Variants in ASB7 observed in about 807,000 individuals in gnomAD.
ASB7 encodes the protein ankyrin repeat and SOCS box protein 7.
A neutral mutation model predicts 32.5 loss-of-function variants in ASB7; 4 were observed. That is an observed-to-expected ratio of 0.12 (90% CI 0.06 to 0.28). The LOEUF (loss-of-function observed/expected upper bound fraction) is 0.28. ASB7 is among the 10% of genes least tolerant of loss of function. ASB7 has a pLI of 1.00. For synonymous variants in ASB7, 172 were observed against 155.6 expected (o/e 1.11, Z -0.78); for missense variants, 181 against 407.1 (o/e 0.44, Z 4.78).
At chr15:100,624,930 A>G (rs925136900) in intron 4 of ASB7, among the ~76,000 whole-genome samples, 1 of 152,226 alleles carries the variant, frequency 6.6e-6, no homozygotes, top group African/African-American at 2.4e-5. Flanking sequence ...CCCAAGTAGT[A>G]TTTACTCCAG....
intron 4 of ASB7, among the ~76,000 whole-genome samples, chr15:100,614,628 G>C (rs1033386372): frequency 3.3e-5 from 5 of 151,806 alleles, no homozygotes; most frequent in African/African-American, 1.2e-4. Flanking sequence ...CCAGTGAGGG[G>C]CTTAGAGGCT....
intron 4 of ASB7, among the ~76,000 whole-genome samples, chr15:100,626,558 A>AC (rs1597005629): frequency 1.3e-5 from 2 of 152,132 alleles, no homozygotes; most frequent in East Asian, 3.9e-4. Flanking sequence ...TTCACATACG[A>AC]CCCAGCAAGT....
chr15:100,606,004 T>C (rs548374524), intron 2 of ASB7, among the ~76,000 whole-genome samples: 1 of 152,350 alleles, frequency 6.6e-6, no homozygotes, highest in South Asian at 2.1e-4. Flanking sequence ...TCATAACCAC[T>C]ATGCTATACT....
chr15:100,627,452 A>C (rs1418422765), intron 4 of ASB7, among the ~76,000 whole-genome samples: 1 of 152,120 alleles, frequency 6.6e-6, no homozygotes, highest in East Asian at 1.9e-4. Context: ...TTCTTACCTT[A>C]TTTCATGGGC....
At chr15:100,619,602 A>G (rs1293102124) in intron 4 of ASB7, among the ~76,000 whole-genome samples, 1 of 152,248 alleles carries the variant, frequency 6.6e-6, no homozygotes, top group Non-Finnish European at 1.5e-5. Context: ...TAAATGGGAC[A>G]TAGGTGTCTA....
chr15:100,644,358 TC>T (rs2039983285), intron 5 of ASB7, among the ~76,000 whole-genome samples: 1 of 152,258 alleles, frequency 6.6e-6, no homozygotes, highest in East Asian at 1.9e-4. Context: ...CATTTGCAGA[TC>T]AAATACTGTA....
intron 4 of ASB7, among the ~76,000 whole-genome samples, chr15:100,616,442 C>T (rs1237316776): frequency 6.6e-6 from 1 of 152,014 alleles, no homozygotes; most frequent in South Asian, 2.1e-4. Context: ...CATTATTTGC[C>T]TTTGTTTTCT....
chr15:100,604,199 T>G (rs2039617064), intron 2 of ASB7, among the ~76,000 whole-genome samples: 1 of 152,228 alleles, frequency 6.6e-6, no homozygotes, highest in Non-Finnish European at 1.5e-5. Context: ...TTTGCTGGAT[T>G]GAAATTTAAG....
At chr15:100,642,128 T>C (rs957730939) in intron 5 of ASB7, among the ~76,000 whole-genome samples, 2 of 152,248 alleles carry the variant, frequency 1.3e-5, no homozygotes, top group African/African-American at 4.8e-5. Flanking sequence ...AAAATTAGTC[T>C]AGAGCATTTC....
intron 2 of ASB7, among the ~76,000 whole-genome samples, chr15:100,606,681 A>C (rs995808167): frequency 6.6e-6 from 1 of 152,212 alleles, no homozygotes; most frequent in Non-Finnish European, 1.5e-5. Context: ...ATAGTATTAA[A>C]GCTTGGAAGC....
intron 5 of ASB7, chr15:100,645,977 G>A: frequency 1.9e-6 from 1 of 513,100 alleles, no homozygotes; most frequent in Admixed American, 2.6e-5. Context: ...TTCTTTCTTG[G>A]TCAGTTTGTG....
At chr15:100,623,432 A>G (rs1159211743) in intron 4 of ASB7, among the ~76,000 whole-genome samples, 1 of 152,226 alleles carries the variant, frequency 6.6e-6, no homozygotes, top group Non-Finnish European at 1.5e-5. Context: ...AAAGGACACA[A>G]ATAGACATTT....
intron 4 of ASB7, among the ~76,000 whole-genome samples, chr15:100,620,684 G>A (rs1252815322): frequency 6.6e-6 from 1 of 152,090 alleles, no homozygotes; most frequent in Non-Finnish European, 1.5e-5. Context: ...GAATCGTGAT[G>A]GAAGAGTCTC....
chr15:100,646,413 C>A, intron 5 of ASB7: 1 of 412,802 alleles, frequency 2.4e-6, no homozygotes, highest in Non-Finnish European at 5.0e-6. Flanking sequence ...ATTCTCTTTC[C>A]ACAACTTCTT....
At chr15:100,603,890 G>T (rs1395008906) in intron 2 of ASB7, among the ~76,000 whole-genome samples, 1 of 152,214 alleles carries the variant, frequency 6.6e-6, no homozygotes, top group African/African-American at 2.4e-5. Flanking sequence ...TGTACCTTAA[G>T]AGTGTGAATG....
intron 5 of ASB7, among the ~76,000 whole-genome samples, chr15:100,631,888 C>G (rs555267424): frequency 6.6e-6 from 1 of 152,198 alleles, no homozygotes; most frequent in Non-Finnish European, 1.5e-5. Context: ...GGATTAACAG[C>G]GAGGACTGGC....
At chr15:100,645,471 C>G (rs572885736) in intron 5 of ASB7, 178 of 518,356 alleles carry the variant, frequency 3.4e-4, no homozygotes, top group Admixed American at 1.7e-3. Flanking sequence ...TCTGCTCCTC[C>G]ACTCGGAAGG....
At chr15:100,613,142 C>T (rs2039710843) in intron 4 of ASB7, among the ~76,000 whole-genome samples, 1 of 152,124 alleles carries the variant, frequency 6.6e-6, no homozygotes, top group East Asian at 1.9e-4. Flanking sequence ...ATCATGTATA[C>T]CCACATTATC....
In ASB7 at chr15:100,603,288, G is replaced by A. The variant is rs1596991868; in HGVS notation, c.-199G>A. 6.4e-6 allele frequency: 2 copies of A among 314,818 alleles called. No homozygotes were observed. The highest frequency in any genetic ancestry group is 5.8e-6 in the Non-Finnish European group (1 of 173,568). The allele number at this position is 314,818 out of a possible 1,614,324, so 19.5% of individuals were successfully genotyped here. A position where few individuals can be genotyped will look rare whatever the true frequency, so the allele number is the denominator to read the frequency against. ...CTATCAGAGAAGCAGAAGGCACAGT[G>A]CCTCTGACCAGCATCGTCTGTAAAG... On this transcript the variant is annotated 5_prime_UTR_variant, in exon 2 of 6. Coordinates refer to ENST00000332783, the MANE Select transcript of ASB7 (RefSeq NM_198243.3).
Sources: allele counts gnomAD v4.1 joint callset (sites outside exome capture counted in the v4.1 genomes callset), GRCh38; gene constraint gnomAD v4.1.1; transcripts MANE v1.5; gene names NCBI Gene and HGNC (gene_info 2026-07-23, HGNC 2026-07-21).